Variants in UNC80 observed in about 807,000 individuals in gnomAD.
The protein encoded by UNC80 is unc-80 subunit of NALCN channel complex, also known as protein unc-80 homolog.
A neutral mutation model predicts 384.6 loss-of-function variants in UNC80; 164 were observed. That is an observed-to-expected ratio of 0.43 (90% CI 0.38 to 0.49). UNC80 has a LOEUF of 0.49. UNC80 is among the 20% of genes least tolerant of loss of function. The probability of loss-of-function intolerance (pLI) is 0.00; values close to 1 mark genes in which losing one functional copy is unlikely to be tolerated. For synonymous variants in UNC80, 1,486 were observed against 1,527.8 expected (o/e 0.97, Z 0.64); for missense variants, 3,330 against 4,143.0 (o/e 0.80, Z 5.39).
chr2:209,831,631 T>C (rs1249041573), intron 16 of UNC80, 40 bp downstream of exon 16: 1 of 1,475,322 alleles, frequency 6.8e-7, no homozygotes, highest in South Asian at 1.4e-5. Context: ...GCTCTCAGTC[T>C]CTGCCCTGAG....
chr2:209,935,957 T>C (rs2091215507), intron 40 of UNC80, 149 bp downstream of exon 40: 2 of 545,506 alleles, frequency 3.7e-6, no homozygotes. Flanking sequence ...CACTATTATT[T>C]CCTTATGCTA....
chr2:209,985,242 C>T (rs1343776330), intron 61 of UNC80, among the ~76,000 whole-genome samples: 2 of 152,064 alleles, frequency 1.3e-5, no homozygotes, highest in Non-Finnish European at 2.9e-5. Context: ...CTAATTATTC[C>T]CTCCCACACT....
chr2:209,912,021 C>T (rs1427191392), intron 29 of UNC80, among the ~76,000 whole-genome samples: 1 of 152,176 alleles, frequency 6.6e-6, no homozygotes, highest in Admixed American at 6.5e-5. Flanking sequence ...ATACTATGAA[C>T]TCATGCTTCC....
At chr2:209,971,005 G>A (rs1291173651) in intron 54 of UNC80, 48 bp downstream of exon 54, 1 of 1,531,538 alleles carries the variant, frequency 6.5e-7, no homozygotes, top group Non-Finnish European at 8.8e-7. Flanking sequence ...TGCTGGTTGA[G>A]GCACCAGATC....
chr2:209,898,708 C>T (rs907067371), intron 28 of UNC80, among the ~76,000 whole-genome samples: 2 of 152,178 alleles, frequency 1.3e-5, no homozygotes, highest in African/African-American at 4.8e-5. Context: ...AATAGTAAGT[C>T]TTACTCATTC....
At chr2:209,922,930 T>A (rs1169884065) in intron 35 of UNC80, among the ~76,000 whole-genome samples, 1 of 152,228 alleles carries the variant, frequency 6.6e-6, no homozygotes, top group Non-Finnish European at 1.5e-5. Context: ...TTATTGACCA[T>A]ATGTATATCT....
chr2:209,823,357 T>C (rs2080273460), intron 13 of UNC80, among the ~76,000 whole-genome samples: 2 of 152,202 alleles, frequency 1.3e-5, no homozygotes, highest in African/African-American at 4.8e-5. Context: ...AATTTTAAAA[T>C]ATGTGTAAAC....
intron 18 of UNC80, among the ~76,000 whole-genome samples, chr2:209,836,672 C>T (rs1187910703): frequency 6.6e-6 from 1 of 152,086 alleles, no homozygotes; most frequent in Non-Finnish European, 1.5e-5. Context: ...AGAAGGTAAG[C>T]ATGTCAAATG....
At chr2:209,989,042 G>A (rs989313256) in intron 61 of UNC80, among the ~76,000 whole-genome samples, 5 of 151,930 alleles carry the variant, frequency 3.3e-5, no homozygotes, top group South Asian at 2.1e-4. Context: ...ACTGGGCACC[G>A]TGGCTCATGC....
At chr2:209,902,100 T>C (rs1401342405) in intron 28 of UNC80, among the ~76,000 whole-genome samples, 1 of 152,114 alleles carries the variant, frequency 6.6e-6, no homozygotes, top group Non-Finnish European at 1.5e-5. Context: ...ATATCAACAT[T>C]AACAGGAGTT....
At chr2:209,930,541 C>T (rs1292474421) in intron 37 of UNC80, among the ~76,000 whole-genome samples, 1 of 152,098 alleles carries the variant, frequency 6.6e-6, no homozygotes, top group Non-Finnish European at 1.5e-5. Context: ...TTCTCTTTGA[C>T]TCAAAACCTA....
At position 209,817,001 on chromosome 2, in the gene UNC80, C is replaced by T. The variant is rs1015837714; in HGVS notation, c.1428C>T (p.Phe476=). 3 of 1,551,734 alleles carry T rather than the reference C, an allele frequency of 1.9e-6. No homozygotes were observed. Among genetic ancestry groups the T allele is most frequent in the Non-Finnish European group, 2.6e-6 (3 of 1,147,008 alleles). ...KRRPRRMGVP[F]LLHEDHLDVS... is the part of the protein sequence containing the mutation. ...GGCCACGGAGAATGGGAGTGCCCTT[C>T]CTGCTTCACGAGGACCACCTGGATG... Residue 476 remains phenylalanine, a synonymous_variant, in exon 10 of 65, where the codon TTC becomes TTT. Coordinates refer to ENST00000673920, the MANE Select transcript of UNC80 (RefSeq NM_001371986.1).
chr2:209,949,715 C>T (rs375661155), intron 47 of UNC80, among the ~76,000 whole-genome samples: 7 of 152,138 alleles, frequency 4.6e-5, no homozygotes, highest in African/African-American at 1.7e-4. Context: ...TGACCTCAGG[C>T]GATCCACCCG....
In UNC80 at chr2:209,849,482, C is replaced by T. The variant is rs566433829; in HGVS notation, c.3486C>T (p.Pro1162=). Reference sequence around the variant, plus strand: ...ACAGTTTTGATGATCATCTCTCTCCCAACCAAGATGGTGGAAAAAGCAAAA... The same window carrying T: ...ACAGTTTTGATGATCATCTCTCTCCTAACCAAGATGGTGGAAAAAGCAAAA... ...GCHSFDDHLS[P]NQDGGKSKNV... is the part of the protein sequence containing the mutation. Residue 1162 remains proline (P), a synonymous_variant, in exon 22 of 65, where the codon CCC becomes CCT. Coordinates refer to ENST00000673920, the MANE Select transcript of UNC80 (RefSeq NM_001371986.1). The T allele has an allele frequency of 3.2e-6, 5 of 1,551,008 alleles. No homozygotes were observed. The South Asian group carries it at 4.8e-5, about 15-fold the overall frequency.
In UNC80 at chr2:209,840,662, A is replaced by C; in HGVS notation, c.3357+14A>C. On this transcript the variant is annotated intron_variant, in intron 20 of 64. Transcript: ENST00000673920. ...CAAAGCTCCAAGGTAAACAGGACAT[A>C]ACTTGTGTAAGTGACTGTTGAAGTC... 2 of 1,547,972 alleles carry C rather than the reference A, an allele frequency of 1.3e-6. No individual in the cohort carries two copies. Among genetic ancestry groups the C allele is most frequent in the Non-Finnish European group, 1.7e-6 (2 of 1,143,310 alleles).
chr2:209,959,334 T>C (rs1011685532), intron 50 of UNC80, among the ~76,000 whole-genome samples, 155 bp from the exon 51 acceptor site: 1 of 152,244 alleles, frequency 6.6e-6, no homozygotes, highest in Non-Finnish European at 1.5e-5. Flanking sequence ...TGCTAAGCTT[T>C]CTTTATCCTT....
Position 209,872,398 on chromosome 2 carries a change from T to A in UNC80, c.3628-360T>A, listed in dbSNP as rs1450209688. Among the ~76,000 whole-genome samples, 2 of 152,170 alleles carry A rather than the reference T, an allele frequency of 1.3e-5. No individual in the cohort carries two copies. The highest frequency in any genetic ancestry group is 1.5e-5 in the Non-Finnish European group (1 of 68,030). ...GTAAAATTTAGGGTTCAAAAAAAGA[T>A]TCATCTTTAAGACCTCACTAAAAGC... On this transcript the variant is annotated intron_variant, in intron 22 of 64. Coordinates refer to ENST00000673920, the MANE Select transcript of UNC80 (RefSeq NM_001371986.1). The surrounding 1 kb of genome is among the most constrained non-coding windows in gnomAD (Gnocchi z 4.1).
chr2:209,873,239 G>GTT (rs2084464416), intron 23 of UNC80, among the ~76,000 whole-genome samples: 1 of 152,182 alleles, frequency 6.6e-6, no homozygotes, highest in Non-Finnish European at 1.5e-5. Flanking sequence ...TCTATTAATA[G>GTT]TAAGTAGAGG....
At chr2:209,970,086 A>T in intron 53 of UNC80, 195 bp downstream of exon 53, 3 of 645,900 alleles carry the variant, frequency 4.6e-6, no homozygotes, top group Non-Finnish European at 7.6e-6. Flanking sequence ...CCATCCCTAC[A>T]CAGAAGGGAT....
Sources: gnomAD v4.1 joint callset for allele counts (sites outside exome capture counted in the v4.1 genomes callset) on GRCh38, gnomAD v4.1.1 for gene constraint, Gnocchi (gnomAD v3.1) non-coding constraint, MANE v1.5 for transcripts, NCBI Gene and HGNC (gene_info 2026-07-23, HGNC 2026-07-21) for gene names.